The following SORCS3 variants were observed in gnomAD, a reference collection of about 807,000 sequenced individuals.
The protein encoded by SORCS3 is sortilin related VPS10 domain containing receptor 3.
In SORCS3, 57 loss-of-function variants were observed where a neutral mutation model predicts 146.3. That is an observed-to-expected ratio of 0.39 (90% CI 0.31 to 0.49). The LOEUF (loss-of-function observed/expected upper bound fraction) is 0.49, where lower values mean the gene tolerates loss of function less well. SORCS3 is among the 20% of genes least tolerant of loss of function. SORCS3 has a pLI of 0.92. For missense variants in SORCS3, 1,341 were observed against 1,575.5 expected (o/e 0.85, Z 2.52); for synonymous variants, 653 against 618.5 (o/e 1.06, Z -0.83).
chr10:105,196,085 C>T (rs2119604093), intron 14 of SORCS3, among the ~76,000 whole-genome samples: 1 of 152,308 alleles, frequency 6.6e-6, no homozygotes, highest in East Asian at 1.9e-4. Context: ...AGCACCTATT[C>T]TTGTGTTCTG....
At chr10:105,256,602 C>T (rs2056932885) in intron 24 of SORCS3, among the ~76,000 whole-genome samples, 1 of 152,202 alleles carries the variant, frequency 6.6e-6, no homozygotes, top group South Asian at 2.1e-4. Context: ...TTTCCCCAGG[C>T]TGAACAGAGA....
At chr10:104,799,703 T>C (rs1386969860) in intron 1 of SORCS3, among the ~76,000 whole-genome samples, 2 of 150,976 alleles carry the variant, frequency 1.3e-5, no homozygotes, top group African/African-American at 4.9e-5. Context: ...TGAGATGGAG[T>C]CTCGCTCTGT....
At chr10:104,940,233 TA>T (rs1564717935) in intron 3 of SORCS3, among the ~76,000 whole-genome samples, 5 of 17,556 alleles carry the variant, frequency 2.8e-4, no homozygotes, top group East Asian at 1.6e-3. Context: ...TATATATATA[TA>T]TATATTTTTT....
intron 14 of SORCS3, among the ~76,000 whole-genome samples, chr10:105,179,383 A>G (rs1400551361): frequency 6.6e-6 from 1 of 152,228 alleles, no homozygotes; most frequent in African/African-American, 2.4e-5. Flanking sequence ...TCAGAGCCAA[A>G]CCATTTACTG....
At chr10:105,163,878 G>GCACACACA (rs1252153357) in intron 11 of SORCS3, among the ~76,000 whole-genome samples, 8 of 112,484 alleles carry the variant, frequency 7.1e-5, no homozygotes, top group African/African-American at 3.0e-4. Flanking sequence ...ACACAGTTAC[G>GCACACACA]CACATACACA....
intron 1 of SORCS3, among the ~76,000 whole-genome samples, chr10:104,667,228 T>C (rs1417943688): frequency 2.0e-5 from 3 of 152,206 alleles, no homozygotes; most frequent in Admixed American, 2.0e-4. Flanking sequence ...GGCACTGTGC[T>C]CACATATGTA....
At chr10:105,001,763 T>C (rs550906214) in intron 4 of SORCS3, among the ~76,000 whole-genome samples, 2 of 152,304 alleles carry the variant, frequency 1.3e-5, no homozygotes, top group South Asian at 4.1e-4. Flanking sequence ...GAACATTCTT[T>C]CATGAACACA....
At chr10:105,178,030 T>G in intron 13 of SORCS3, 36 bp from the exon 14 acceptor site, 1 of 1,502,074 alleles carries the variant, frequency 6.7e-7, no homozygotes, top group African/African-American at 1.4e-5. Flanking sequence ...GGCTTTATTT[T>G]CAGCTGTCTT....
intron 3 of SORCS3, among the ~76,000 whole-genome samples, chr10:104,975,182 T>C (rs1358515143): frequency 6.6e-6 from 1 of 152,160 alleles, no homozygotes; most frequent in Non-Finnish European, 1.5e-5. Context: ...GCCCAAAATC[T>C]CCTTAAGCTG....
chr10:105,143,423 C>T (rs1250910847), intron 8 of SORCS3, among the ~76,000 whole-genome samples: 1 of 152,124 alleles, frequency 6.6e-6, no homozygotes, highest in Non-Finnish European at 1.5e-5. Flanking sequence ...GAACTCTAGA[C>T]CACATATCCA....
intron 1 of SORCS3, among the ~76,000 whole-genome samples, chr10:104,827,882 C>T (rs1374705489): frequency 6.6e-6 from 1 of 152,224 alleles, no homozygotes; most frequent in Non-Finnish European, 1.5e-5. Flanking sequence ...ATGTTATGGA[C>T]ATCCCTTCTT....
intron 3 of SORCS3, among the ~76,000 whole-genome samples, chr10:104,921,517 G>C (rs1351361999): frequency 4.6e-5 from 7 of 151,936 alleles, no homozygotes; most frequent in Non-Finnish European, 8.8e-5. Context: ...GTGTGTGTGT[G>C]TGTGTGTGTG....
intron 14 of SORCS3, among the ~76,000 whole-genome samples, chr10:105,183,431 T>TCA (rs2056455107): frequency 6.6e-6 from 1 of 152,134 alleles, no homozygotes; most frequent in Admixed American, 6.5e-5. Flanking sequence ...CTAGCAGGGA[T>TCA]CATTCTTTTA....
chr10:104,707,439 G>C (rs1479163944), intron 1 of SORCS3, among the ~76,000 whole-genome samples: 1 of 152,118 alleles, frequency 6.6e-6, no homozygotes, highest in African/African-American at 2.4e-5. Flanking sequence ...GGTAGTAATT[G>C]AGATCTAAAG....
At chr10:104,797,399 C>A (rs1377032330) in intron 1 of SORCS3, among the ~76,000 whole-genome samples, 1 of 152,090 alleles carries the variant, frequency 6.6e-6, no homozygotes, top group Non-Finnish European at 1.5e-5. Flanking sequence ...AAATAGGAGC[C>A]ACATTTGCCA....
intron 1 of SORCS3, among the ~76,000 whole-genome samples, chr10:104,706,891 G>GT (rs369117918): frequency 7.2e-4 from 110 of 152,158 alleles, no homozygotes; most frequent in African/African-American, 2.5e-3. Context: ...TCTTTTAAAC[G>GT]TAAGTGTGGG....
intron 4 of SORCS3, among the ~76,000 whole-genome samples, chr10:105,008,562 G>C (rs1486145797): frequency 6.6e-6 from 1 of 152,178 alleles, no homozygotes; most frequent in Non-Finnish European, 1.5e-5. Flanking sequence ...TGTTGTTAGA[G>C]GATGCTGTCC....
chr10:104,691,996 GT>G (rs892450621), intron 1 of SORCS3, among the ~76,000 whole-genome samples: 4 of 151,250 alleles, frequency 2.6e-5, no homozygotes, highest in Non-Finnish European at 5.9e-5. Context: ...ACAAGGGTCT[GT>G]TTTTTTTTAC....
chr10:104,707,901 T>C (rs1019521909), intron 1 of SORCS3, among the ~76,000 whole-genome samples: 1 of 152,180 alleles, frequency 6.6e-6, no homozygotes, highest in Non-Finnish European at 1.5e-5. Context: ...TCAGATACAC[T>C]TGGGATGCAG....
Sources: gnomAD v4.1 joint callset for allele counts (sites outside exome capture counted in the v4.1 genomes callset) on GRCh38, gnomAD v4.1.1 for gene constraint, MANE v1.5 for transcripts, NCBI Gene and HGNC (gene_info 2026-07-23, HGNC 2026-07-21) for gene names.